FSTL5: variants seen among roughly 807,000 people sequenced by gnomAD.
FSTL5 encodes follistatin-related protein 5.
In FSTL5, 62 loss-of-function variants were observed where a neutral mutation model predicts 89.1. The observed-to-expected ratio is 0.70, with a 90% confidence interval of 0.57 to 0.86. The LOEUF (loss-of-function observed/expected upper bound fraction) is 0.86. FSTL5 is among the 40% of genes least tolerant of loss of function. The pLI, the probability that FSTL5 is intolerant of heterozygous loss-of-function variation, is 0.00. For synonymous variants in FSTL5, 383 were observed against 346.2 expected, an observed-to-expected ratio of 1.11 and a Z score of -1.18; for missense variants, 1,057 against 1,001.6, an observed-to-expected ratio of 1.06 and a Z score of -0.75.
chr4:161,786,034 C>T (rs1341601654), intron 4 of FSTL5, among the ~76,000 whole-genome samples: 1 of 151,992 alleles, frequency 6.6e-6, no homozygotes, highest in Non-Finnish European at 1.5e-5. Context: ...AAAGATAATA[C>T]ATTCTCTTTG....
At chr4:161,621,533 T>C (rs1406456039) in intron 7 of FSTL5, among the ~76,000 whole-genome samples, 1 of 151,874 alleles carries the variant, frequency 6.6e-6, no homozygotes, top group East Asian at 1.9e-4. Flanking sequence ...CCATGATAAA[T>C]GTAAGAAGAA....
intron 4 of FSTL5, among the ~76,000 whole-genome samples, chr4:161,829,140 TA>T (rs1242547878): frequency 0.031 from 55 of 1,760 alleles, no homozygotes; most frequent in African/African-American, 0.048. Flanking sequence ...AGTCACATTT[TA>T]TATATATATA....
chr4:162,047,898 T>A (rs1738247369), intron 2 of FSTL5, among the ~76,000 whole-genome samples: 1 of 152,002 alleles, frequency 6.6e-6, no homozygotes, highest in Admixed American at 6.6e-5. Context: ...GTCCTTAAAA[T>A]AAGTAAAAGA....
At chr4:162,046,197 T>G (rs1165890291) in intron 2 of FSTL5, among the ~76,000 whole-genome samples, 1 of 152,146 alleles carries the variant, frequency 6.6e-6, no homozygotes, top group African/African-American at 2.4e-5. Context: ...TAACTATAAA[T>G]AACGTAGATG....
chr4:161,941,030 T>A (rs1734566823), intron 3 of FSTL5, among the ~76,000 whole-genome samples: 1 of 151,720 alleles, frequency 6.6e-6, no homozygotes, highest in African/African-American at 2.4e-5. Context: ...GGGAGAGGAA[T>A]GAAGCTGTAC....
intron 4 of FSTL5, among the ~76,000 whole-genome samples, chr4:161,866,537 C>T (rs1408626870): frequency 6.7e-6 from 1 of 148,592 alleles, no homozygotes; most frequent in African/African-American, 2.5e-5. Flanking sequence ...TTCTCCAAAA[C>T]TCTTGCCTCA....
At chr4:161,871,610 T>C (rs2126900329) in intron 4 of FSTL5, among the ~76,000 whole-genome samples, 1 of 152,306 alleles carries the variant, frequency 6.6e-6, no homozygotes, top group Middle Eastern at 3.4e-3. Flanking sequence ...GGAATTAATG[T>C]TCTTCATTTT....
intron 4 of FSTL5, among the ~76,000 whole-genome samples, chr4:161,813,853 G>C (rs926256539): frequency 1.3e-5 from 2 of 152,040 alleles, no homozygotes; most frequent in South Asian, 2.1e-4. Flanking sequence ...AAAGAAAGAT[G>C]AAGTACAAAG....
chr4:161,880,865 C>T (rs1158935501), intron 4 of FSTL5, among the ~76,000 whole-genome samples: 2 of 152,020 alleles, frequency 1.3e-5, no homozygotes, highest in Admixed American at 1.3e-4. Context: ...AGAGATTATA[C>T]CAGTAGTTGC....
chr4:161,793,115 G>C (rs572700777), intron 4 of FSTL5, among the ~76,000 whole-genome samples: 1 of 152,348 alleles, frequency 6.6e-6, no homozygotes, highest in African/African-American at 2.4e-5. Context: ...TCCAGCTGCA[G>C]CCTTGCATGG....
intron 6 of FSTL5, among the ~76,000 whole-genome samples, chr4:161,680,153 A>G (rs1737467127): frequency 6.6e-6 from 1 of 151,906 alleles, no homozygotes; most frequent in Admixed American, 6.6e-5. Context: ...TTATAGAAGA[A>G]AATAATATGC....
intron 6 of FSTL5, among the ~76,000 whole-genome samples, chr4:161,735,259 G>A (rs376610308): frequency 4.8e-4 from 73 of 152,232 alleles, no homozygotes; most frequent in African/African-American, 1.5e-3. Context: ...TGGGGAAGGC[G>A]CGAGAAGGTT....
chr4:161,433,269 C>T (rs1225166949), intron 15 of FSTL5, among the ~76,000 whole-genome samples: 2 of 151,806 alleles, frequency 1.3e-5, no homozygotes, highest in Non-Finnish European at 2.9e-5. Flanking sequence ...AAATCAATCA[C>T]TGTGATACAT....
intron 6 of FSTL5, among the ~76,000 whole-genome samples, chr4:161,673,730 T>A (rs1050207522): frequency 6.6e-6 from 1 of 152,012 alleles, no homozygotes; most frequent in Admixed American, 6.6e-5. Context: ...TTTTGTGATA[T>A]GAAGTACATA....
At chr4:161,406,166 A>C (rs965087861) in intron 15 of FSTL5, among the ~76,000 whole-genome samples, 1 of 152,194 alleles carries the variant, frequency 6.6e-6, no homozygotes, top group African/African-American at 2.4e-5. Flanking sequence ...ATGTAATTAC[A>C]TGGGTAAAAA....
chr4:161,875,674 T>G (rs552320978), intron 4 of FSTL5, among the ~76,000 whole-genome samples: 2 of 152,324 alleles, frequency 1.3e-5, no homozygotes, highest in East Asian at 1.9e-4. Context: ...TCATTCTTTC[T>G]TTGCTTTCCT....
intron 15 of FSTL5, among the ~76,000 whole-genome samples, chr4:161,448,751 C>T (rs1474933972): frequency 6.6e-6 from 1 of 152,076 alleles, no homozygotes; most frequent in Non-Finnish European, 1.5e-5. Context: ...ATCCTTAGCC[C>T]CTTACTACCC....
chr4:161,543,946 A>G (rs915198641), intron 8 of FSTL5, among the ~76,000 whole-genome samples: 3 of 152,092 alleles, frequency 2.0e-5, no homozygotes, highest in Non-Finnish European at 4.4e-5. Context: ...ATAAAAAAGT[A>G]TAAACACAAC....
chr4:161,582,784 G>C (rs929882310), intron 8 of FSTL5, among the ~76,000 whole-genome samples: 3 of 152,030 alleles, frequency 2.0e-5, no homozygotes, highest in African/African-American at 7.2e-5. Context: ...TCTTTATATT[G>C]TTGTGGGTGG....
Sources: allele counts gnomAD v4.1 joint callset (sites outside exome capture counted in the v4.1 genomes callset), GRCh38; gene constraint gnomAD v4.1.1; transcripts MANE v1.5; gene names NCBI Gene and HGNC (gene_info 2026-07-23, HGNC 2026-07-21).